Variants in CTNNA3 observed in about 807,000 individuals in gnomAD.
The protein encoded by CTNNA3 is catenin alpha-3.
In CTNNA3, 76 loss-of-function variants were observed where a neutral mutation model predicts 95.7. The observed-to-expected ratio is 0.79, with a 90% confidence interval of 0.66 to 0.96. CTNNA3 has a LOEUF of 0.96. Among genes scored for constraint, CTNNA3 ranks in the 40% least tolerant of loss-of-function variants. The pLI is 0.00. For missense variants in CTNNA3, 1,191 were observed against 1,089.8 expected, an observed-to-expected ratio of 1.09 and a Z score of -1.31; for synonymous variants, 431 against 374.4, an observed-to-expected ratio of 1.15 and a Z score of -1.74.
At chr10:67,244,311 C>A (rs1245280831) in intron 5 of CTNNA3, among the ~76,000 whole-genome samples, 1 of 152,080 alleles carries the variant, frequency 6.6e-6, no homozygotes, top group Non-Finnish European at 1.5e-5. Flanking sequence ...CTAAAATATA[C>A]CTAATTTCTA....
chr10:67,709,174 T>C (rs1841093675), intron 1 of CTNNA3, among the ~76,000 whole-genome samples: 1 of 152,070 alleles, frequency 6.6e-6, no homozygotes, highest in Non-Finnish European at 1.5e-5. Flanking sequence ...ATTTCAGTAG[T>C]GACATGATTT....
chr10:67,539,558 A>G lies in CTNNA3; in HGVS notation c.404T>C (p.Leu135Pro). 1 of 1,613,826 alleles carries G rather than the reference A, an allele frequency of 6.2e-7. No individual in the cohort carries two copies. The highest frequency in any genetic ancestry group is 1.1e-5 in the South Asian group (1 of 91,080). Residue 135 changes from leucine (L) to proline (P), a missense_variant, in exon 4 of 18, where the codon CTC becomes CCC. Transcript: ENST00000433211. ...ATCAATCATGTCCGCAAGGATAAGG[A>G]GTCTCGTCACCGCAGCCAGCAAGGC... ...ARALLAAVTR[L>P]LILADMIDVM...
chr10:66,212,725 C>G (rs1352184498), intron 13 of CTNNA3, among the ~76,000 whole-genome samples: 1 of 152,030 alleles, frequency 6.6e-6, no homozygotes, highest in Non-Finnish European at 1.5e-5. Context: ...CTTTTTTGGG[C>G]AAGCATGGTG....
At chr10:67,686,051 T>C (rs1463130032) in intron 1 of CTNNA3, among the ~76,000 whole-genome samples, 1 of 152,230 alleles carries the variant, frequency 6.6e-6, no homozygotes, top group Non-Finnish European at 1.5e-5. Flanking sequence ...GGTTTTTGCA[T>C]TGTATGCAAT....
At chr10:66,281,003 G>A (rs971182035) in intron 12 of CTNNA3, among the ~76,000 whole-genome samples, 1 of 151,794 alleles carries the variant, frequency 6.6e-6, no homozygotes, top group African/African-American at 2.4e-5. Context: ...GAATTGGTGT[G>A]TAAAACAGTT....
chr10:67,277,332 TG>T (rs2132433188), intron 5 of CTNNA3, among the ~76,000 whole-genome samples: 1 of 152,284 alleles, frequency 6.6e-6, no homozygotes, highest in African/African-American at 2.4e-5. Context: ...GTATGCAGTT[TG>T]AATAAAGATA....
chr10:66,070,385 G>A (rs7074696), intron 14 of CTNNA3, among the ~76,000 whole-genome samples: 80,595 of 151,836 alleles, frequency 0.53, 21,772 homozygotes, highest in South Asian at 0.59. Flanking sequence ...ACTGACTCAC[G>A]AATAGAAATG....
At chr10:67,414,677 A>T (rs1327024391) in intron 5 of CTNNA3, among the ~76,000 whole-genome samples, 1 of 152,212 alleles carries the variant, frequency 6.6e-6, no homozygotes, top group Non-Finnish European at 1.5e-5. Flanking sequence ...AGATGCAAAA[A>T]TCCTCAACAA....
chr10:66,214,461 A>AT (rs1451020344), intron 13 of CTNNA3, among the ~76,000 whole-genome samples: 1 of 152,110 alleles, frequency 6.6e-6, no homozygotes, highest in African/African-American at 2.4e-5. Context: ...TATTAAATTT[A>AT]TTTTTACTTC....
intron 5 of CTNNA3, among the ~76,000 whole-genome samples, chr10:67,445,693 T>C (rs1478417194): frequency 6.6e-6 from 1 of 152,196 alleles, no homozygotes; most frequent in Non-Finnish European, 1.5e-5. Context: ...AATACCACTA[T>C]TCAGCAGCCA....
chr10:67,323,710 C>T (rs1447971536), intron 5 of CTNNA3, among the ~76,000 whole-genome samples: 2 of 151,688 alleles, frequency 1.3e-5, no homozygotes, highest in African/African-American at 4.8e-5. Flanking sequence ...TCTTTTTTGG[C>T]CCCATAAGAA....
chr10:66,110,555 T>TA (rs923735595), intron 13 of CTNNA3, among the ~76,000 whole-genome samples: 18 of 152,002 alleles, frequency 1.2e-4, no homozygotes, highest in Non-Finnish European at 2.4e-4. Flanking sequence ...ATTTAGCCTT[T>TA]AAAAAAAGGA....
At chr10:67,036,514 C>A (rs138247854) in intron 7 of CTNNA3, among the ~76,000 whole-genome samples, 1,830 of 152,064 alleles carry the variant, frequency 0.012, 47 homozygotes, top group African/African-American at 0.042. Context: ...AAATACAAAA[C>A]TTAGCCGGGC....
At chr10:66,180,024 T>C (rs1479846353) in intron 13 of CTNNA3, among the ~76,000 whole-genome samples, 1 of 152,174 alleles carries the variant, frequency 6.6e-6, no homozygotes, top group African/African-American at 2.4e-5. Context: ...TTTTAAAACT[T>C]AAAAGTGTTA....
intron 4 of CTNNA3, among the ~76,000 whole-genome samples, chr10:67,532,443 G>C (rs1840357400): frequency 1.3e-5 from 2 of 152,128 alleles, no homozygotes; most frequent in Admixed American, 6.5e-5. Context: ...GTCCACAAAT[G>C]CTTTATAAAA....
At chr10:67,396,427 T>A (rs1211680934) in intron 5 of CTNNA3, among the ~76,000 whole-genome samples, 1 of 152,142 alleles carries the variant, frequency 6.6e-6, no homozygotes, top group Admixed American at 6.5e-5. Flanking sequence ...GCTATGTAAT[T>A]TGATCATGTT....
chr10:67,463,199 C>A (rs1029508330), intron 5 of CTNNA3, among the ~76,000 whole-genome samples: 10 of 152,010 alleles, frequency 6.6e-5, no homozygotes, highest in African/African-American at 2.4e-4. Flanking sequence ...GCCACCACAC[C>A]CGACCTCTGT....
At chr10:66,270,754 AG>A (rs1176195352) in intron 13 of CTNNA3, among the ~76,000 whole-genome samples, 2 of 152,058 alleles carry the variant, frequency 1.3e-5, no homozygotes, top group Non-Finnish European at 2.9e-5. Context: ...TGACCTGAAG[AG>A]GCCTCCTGTG....
chr10:66,264,789 T>C (rs2091105155), intron 13 of CTNNA3, among the ~76,000 whole-genome samples: 1 of 151,908 alleles, frequency 6.6e-6, no homozygotes, highest in Non-Finnish European at 1.5e-5. Context: ...TTCTTGCCCA[T>C]CCTCCATTTC....
Sources: allele counts gnomAD v4.1 joint callset (sites outside exome capture counted in the v4.1 genomes callset), GRCh38; gene constraint gnomAD v4.1.1; transcripts MANE v1.5; gene names NCBI Gene and HGNC (gene_info 2026-07-23, HGNC 2026-07-21).